CDR2L: variants seen among roughly 807,000 people sequenced by gnomAD.
The protein encoded by CDR2L is cerebellar degeneration-related protein 2-like.
Under a neutral mutation model 36.1 loss-of-function variants are expected in CDR2L, and 19 were observed. The ratio of observed to expected loss-of-function variants is 0.53; its 90% CI spans 0.37 to 0.77. The LOEUF (loss-of-function observed/expected upper bound fraction) is 0.77. Among genes scored for constraint, CDR2L ranks in the 30% least tolerant of loss-of-function variants. The pLI is 0.00. For synonymous variants in CDR2L, 285 were observed against 280.4 expected, an observed-to-expected ratio of 1.02 and a Z score of -0.16; for missense variants, 575 against 627.2, an observed-to-expected ratio of 0.92 and a Z score of 0.89.
intron 1 of CDR2L, among the ~76,000 whole-genome samples, chr17:74,994,110 G>T (rs903012851): frequency 6.6e-6 from 1 of 152,086 alleles, no homozygotes; most frequent in Non-Finnish European, 1.5e-5. Flanking sequence ...TCTTTTCAAA[G>T]ACATCCCTTG....
Position 75,003,546 on chromosome 17 carries a change from C to T in CDR2L, c.870C>T (p.Pro290=). ...TQAPEADDPQ[P]GRGDDLGAQD... is the part of the protein sequence containing the mutation. Reference sequence around the variant, plus strand: ...CCCCTGAGGCCGACGATCCCCAGCCCGGCCGCGGGGACGACTTGGGCGCCC... The same window carrying T: ...CCCCTGAGGCCGACGATCCCCAGCCTGGCCGCGGGGACGACTTGGGCGCCC... The change falls in exon 5 of 5, where the codon CCC becomes CCT. Residue 290 remains proline (P), a synonymous_variant. Coordinates refer to ENST00000337231, the MANE Select transcript of CDR2L (RefSeq NM_014603.3). 1 of 1,511,988 alleles carries T rather than the reference C, an allele frequency of 6.6e-7. No homozygotes were observed. The highest frequency in any genetic ancestry group is 2.5e-5 in the East Asian group (1 of 40,502). The allele number at this position is 1,511,988 out of a possible 1,614,324, so 93.7% of individuals were successfully genotyped here.
intron 1 of CDR2L, among the ~76,000 whole-genome samples, chr17:74,993,160 C>G (rs1321046746): frequency 1.3e-5 from 2 of 152,268 alleles, no homozygotes; most frequent in South Asian, 4.1e-4. Context: ...AAATTTGAGT[C>G]CCACTATGGA....
rs768656683 is a variant in CDR2L, at chr17:75,002,065, C to A, written c.343C>A (p.Leu115Met). The change falls in exon 4 of 5, where the codon CTG becomes ATG. Residue 115 changes from leucine (L) to methionine (M), a missense_variant and splice_region_variant. Leu to Met is a conservative substitution (Grantham distance 15). Transcript: ENST00000337231. The surrounding 1 kb of genome is among the most constrained non-coding windows in gnomAD (Gnocchi z 4.1). ...GTGTGTCCACCACCCCGCCCCCAGG[C>A]TGACGGAGACCATTGAGCGCCTCCA... Reference protein sequence around the residue: ...SKAAQQKIHGLTETIERLQAQ... With the variant: ...SKAAQQKIHGMTETIERLQAQ... 7 of 1,582,240 alleles carry A rather than the reference C, an allele frequency of 4.4e-6. No individual in the cohort carries two copies. In the Admixed American group the frequency reaches 1.3e-4, roughly 29 times the overall value.
At chr17:74,994,186 G>T (rs111738839) in intron 1 of CDR2L, among the ~76,000 whole-genome samples, 4 of 152,160 alleles carry the variant, frequency 2.6e-5, no homozygotes, top group Non-Finnish European at 5.9e-5. Flanking sequence ...CGAAACAACC[G>T]TATCTAGGAA....
intron 1 of CDR2L, among the ~76,000 whole-genome samples, chr17:74,992,015 A>C (rs2144856873): frequency 6.6e-6 from 1 of 152,320 alleles, no homozygotes; most frequent in South Asian, 2.1e-4. Context: ...CTGTGGACCC[A>C]GAGTGGCTGA....
At position 75,002,006 on chromosome 17, in the gene CDR2L, T is replaced by C; in HGVS notation, c.342-58T>C. The stretch of plus-strand genomic sequence containing the variant: ...CATCTTCAGGGAGCCAGGGCTGCCG[T>C]GAGGCAAACTGGCCCCATCCCCTTA... On this transcript the variant is annotated intron_variant, in intron 3 of 4. Coordinates refer to ENST00000337231, the MANE Select transcript of CDR2L (RefSeq NM_014603.3). This position sits in a 1 kb window ranked among gnomAD's most constrained non-coding sequence, Gnocchi z 4.1. The C allele has an allele frequency of 7.0e-7, 1 of 1,427,388 alleles. No individual in the cohort carries two copies. The highest frequency in any genetic ancestry group is 9.3e-7 in the Non-Finnish European group (1 of 1,079,498). The allele number at this position is 1,427,388 out of a possible 1,614,324, so 88.4% of individuals were successfully genotyped here.
chr17:74,993,662 CT>C (rs1399046216), intron 1 of CDR2L, among the ~76,000 whole-genome samples: 2 of 152,184 alleles, frequency 1.3e-5, no homozygotes, highest in Non-Finnish European at 2.9e-5. Context: ...GCTAAAAGTT[CT>C]TACCTATGAT....
chr17:74,990,843 C>T (rs746827955), intron 1 of CDR2L, among the ~76,000 whole-genome samples: 18 of 152,242 alleles, frequency 1.2e-4, no homozygotes, highest in Non-Finnish European at 2.6e-4. Flanking sequence ...TTGCATCTCC[C>T]AACCCACAAA....
Position 75,002,112 on chromosome 17 carries a change from G to C in CDR2L, c.390G>C (p.Gln130His). 1 of 1,602,010 alleles carries C rather than the reference G, an allele frequency of 6.2e-7. No individual in the cohort carries two copies. The highest frequency in any genetic ancestry group is 1.1e-5 in the South Asian group (1 of 88,744). Residue 130 changes from glutamine to histidine, a missense_variant, in exon 4 of 5, where the codon CAG becomes CAC. By Grantham distance (24) the Gln-to-His change is conservative. Coordinates refer to ENST00000337231, the MANE Select transcript of CDR2L (RefSeq NM_014603.3). This position sits in a 1 kb window ranked among gnomAD's most constrained non-coding sequence, Gnocchi z 4.1. ...TCCAGGCTCAGGTGGAGGAGCTGCA[G>C]GCCCAGGTGGAGCAACTGAGAGGCC... ...ERLQAQVEEL[Q>H]AQVEQLRGLE...
At chr17:74,993,203 A>G (rs1467111610) in intron 1 of CDR2L, among the ~76,000 whole-genome samples, 1 of 152,136 alleles carries the variant, frequency 6.6e-6, no homozygotes, top group Admixed American at 6.6e-5. Context: ...TCTCATCACA[A>G]ACTGAAGGTG....
In CDR2L at chr17:74,988,016, G is replaced by T; in HGVS notation, c.-28G>T. ...CGCACCGGCCCTGAGCTGCGCCGCC[G>T]CAGCACCCGCCCGCCGCCCGCGGGG... is the stretch of plus-strand genomic sequence containing the variant. On this transcript the variant is annotated 5_prime_UTR_variant, in exon 1 of 5. Transcript: ENST00000337231. 1 of 1,484,214 alleles carries T rather than the reference G, an allele frequency of 6.7e-7. No homozygotes were observed. The highest frequency in any genetic ancestry group is 9.0e-7 in the Non-Finnish European group (1 of 1,111,590). The allele number at this position is 1,484,214 out of a possible 1,614,324, so 91.9% of individuals were successfully genotyped here. A position where few individuals can be genotyped will look rare whatever the true frequency, so the allele number is the denominator to read the frequency against.
chr17:75,004,154 G>T lies in CDR2L; in HGVS notation c.*80G>T. 1.5e-6 allele frequency: 2 copies of T among 1,308,170 alleles called. No individual in the cohort carries two copies. Among genetic ancestry groups the T allele is most frequent in the East Asian group, 5.0e-5 (2 of 40,076 alleles). 81.0% of individuals were successfully genotyped at this position (1,308,170 alleles called of 1,614,324 possible). ...CTGGGCGGTGCAGCTTCCAGAGAGC[G>T]AGCGCCCTTTAGCGGCCTGCCACCA... On this transcript the variant is annotated 3_prime_UTR_variant, in exon 5 of 5. Transcript: ENST00000337231.
In CDR2L at chr17:74,987,999, C is replaced by T; in HGVS notation, c.-45C>T. 7.5e-7 allele frequency: 1 copy of T among 1,339,010 alleles called. No homozygotes were observed. 82.9% of individuals were successfully genotyped at this position (1,339,010 alleles called of 1,614,324 possible). On this transcript the variant is annotated 5_prime_UTR_variant, in exon 1 of 5. Coordinates refer to ENST00000337231, the MANE Select transcript of CDR2L (RefSeq NM_014603.3). ...CATTGTCCCGGGCCGCGCGCACCGG[C>T]CCTGAGCTGCGCCGCCGCAGCACCC...
intron 1 of CDR2L, among the ~76,000 whole-genome samples, chr17:74,992,975 T>C (rs1488636687): frequency 1.3e-5 from 2 of 152,206 alleles, no homozygotes; most frequent in Admixed American, 6.5e-5. Flanking sequence ...AGGGGCTCCA[T>C]GAAGGCCACT....
At chr17:74,996,380 G>A (rs1297966492) in intron 1 of CDR2L, among the ~76,000 whole-genome samples, 1 of 145,876 alleles carries the variant, frequency 6.9e-6, no homozygotes, top group Non-Finnish European at 1.5e-5. Context: ...GGAGGCGGAG[G>A]TTGCAGTGAG....
chr17:74,991,997 C>A (rs2039800232), intron 1 of CDR2L, among the ~76,000 whole-genome samples: 1 of 152,182 alleles, frequency 6.6e-6, no homozygotes, highest in South Asian at 2.1e-4. Flanking sequence ...GGTGACCTGA[C>A]CCTGATTCTG....
chr17:74,991,262 CG>C (rs2039795028), intron 1 of CDR2L, among the ~76,000 whole-genome samples: 1 of 151,764 alleles, frequency 6.6e-6, no homozygotes, highest in South Asian at 2.1e-4. Flanking sequence ...ATTAGCCAGG[CG>C]TGGTGGCACA....
chr17:74,988,257 T>C (rs905792795), intron 1 of CDR2L, 135 bp downstream of exon 1: 17 of 534,904 alleles, frequency 3.2e-5, no homozygotes, highest in African/African-American at 4.0e-5. Context: ...GAGGGACGCG[T>C]CTGGAGAACC....
In CDR2L at chr17:75,003,959, G is replaced by A. The variant is rs753081023; in HGVS notation, c.1283G>A (p.Arg428Gln). Residue 428 changes from arginine to glutamine, a missense_variant, in exon 5 of 5, where the codon CGG becomes CAG. By Grantham distance (43) the Arg-to-Gln change is conservative. Coordinates refer to ENST00000337231, the MANE Select transcript of CDR2L (RefSeq NM_014603.3). ...LSQHVEAVDK[R>Q]LEQSQPEYKA... ...CAGCACGTGGAGGCCGTGGACAAGC[G>A]GCTGGAACAGAGCCAGCCCGAGTAC... The A allele has an allele frequency of 1.2e-6, 2 of 1,610,526 alleles. No homozygotes were observed. The highest frequency in any genetic ancestry group is 1.7e-6 in the Non-Finnish European group (2 of 1,178,556).
Sources: allele counts gnomAD v4.1 joint callset (sites outside exome capture counted in the v4.1 genomes callset), GRCh38; gene constraint gnomAD v4.1.1; non-coding constraint Gnocchi (gnomAD v3.1); transcripts MANE v1.5; gene names NCBI Gene and HGNC (gene_info 2026-07-23, HGNC 2026-07-21).